PAN3: variants seen among roughly 807,000 people sequenced by gnomAD.
PAN3 encodes PAN2-PAN3 deadenylation complex subunit PAN3.
A neutral mutation model predicts 96.2 loss-of-function variants in PAN3; 19 were observed. The observed-to-expected ratio is 0.20, with a 90% CI of 0.14 to 0.29. The LOEUF is 0.29. Among genes scored for constraint, PAN3 ranks in the 10% least tolerant of loss-of-function variants. The pLI is 1.00. For synonymous variants in PAN3, 433 were observed against 406.6 expected, an observed-to-expected ratio of 1.06 and a Z score of -0.78; for missense variants, 882 against 1,108.1, an observed-to-expected ratio of 0.80 and a Z score of 2.90.
intron 14 of PAN3, 87 bp from the exon 15 acceptor site, chr13:28,277,150 C>T (rs45505101): frequency 0.014 from 17,758 of 1,310,858 alleles, 204 homozygotes; most frequent in Middle Eastern, 0.019. Context: ...TATAATGATG[C>T]TTTTTCCATT....
At chr13:28,187,809 C>T (rs1045097985) in intron 4 of PAN3, among the ~76,000 whole-genome samples, 3 of 152,154 alleles carry the variant, frequency 2.0e-5, no homozygotes, top group African/African-American at 7.2e-5. Flanking sequence ...CCTCCTGTCT[C>T]ATCTACCCAA....
At chr13:28,265,685 A>C (rs1010883606) in intron 9 of PAN3, among the ~76,000 whole-genome samples, 1 of 151,672 alleles carries the variant, frequency 6.6e-6, no homozygotes, top group Admixed American at 6.6e-5. Flanking sequence ...TTCTTACCAG[A>C]GGTCAAAAAT....
chr13:28,197,629 G>A (rs1272360021), intron 5 of PAN3, among the ~76,000 whole-genome samples: 4 of 152,004 alleles, frequency 2.6e-5, no homozygotes, highest in African/African-American at 9.7e-5. Context: ...CTGGAGTGCA[G>A]TGGCACCATC....
chr13:28,288,250 A>G (rs1369296555), intron 18 of PAN3, 128 bp downstream of exon 18: 3 of 792,188 alleles, frequency 3.8e-6, no homozygotes, highest in African/African-American at 3.6e-5. Flanking sequence ...AAGACGTTTT[A>G]TTAATAACAT....
intron 5 of PAN3, among the ~76,000 whole-genome samples, chr13:28,204,101 G>A (rs187808988): frequency 6.6e-6 from 1 of 152,202 alleles, no homozygotes; most frequent in Non-Finnish European, 1.5e-5. Context: ...GAGCGACCAC[G>A]CCCGACCAGC....
Position 28,170,179 on chromosome 13 carries a change from C to T in PAN3, c.431-4093C>T, listed in dbSNP as rs531499601. Among the ~76,000 whole-genome samples the T allele has an allele frequency of 6.6e-5, 10 of 152,288 alleles. No individual in the cohort carries two copies. In the South Asian group the frequency reaches 1.9e-3, roughly 28 times the overall value. On this transcript the variant is annotated intron_variant, in intron 1 of 18. Transcript: ENST00000380958. ...GTTTCCTCTGCTAGGGAGCATAAGT[C>T]GTCTTCTATCAAAGTTGTGTATCTG... is the stretch of plus-strand genomic sequence containing the variant.
rs183154556 is a variant in PAN3 at position 28,165,324 on chromosome 13, T to C, written c.431-8948T>C. The stretch of plus-strand genomic sequence containing the variant: ...TTGTAGAGATGGGGGTCTTGCTATG[T>C]TGCTCAGGGTGGTCCTGGATTCCTG... On this transcript the variant is annotated intron_variant, in intron 1 of 18. Coordinates refer to ENST00000380958, the MANE Select transcript of PAN3 (RefSeq NM_175854.8). Among the ~76,000 whole-genome samples the C allele has an allele frequency of 3.0e-3, 451 of 149,598 alleles. 3 individuals carry two copies. The highest frequency in any genetic ancestry group is 0.011 in the African/African-American group (424 of 40,306).
chr13:28,139,976 C>G (rs1021883314), intron 1 of PAN3, among the ~76,000 whole-genome samples: 11 of 152,014 alleles, frequency 7.2e-5, no homozygotes, highest in Admixed American at 2.0e-4. Flanking sequence ...TGGAGAGAGT[C>G]TCGCCCTGTC....
At chr13:28,254,080 G>A (rs9513066) in intron 6 of PAN3, among the ~76,000 whole-genome samples, 151,933 of 152,298 alleles carry the variant, frequency 1, 75,785 homozygotes, top group Middle Eastern at 1. Context: ...CCATCCCCAC[G>A]TAGCTTTAGT....
chr13:28,281,897 A>G (rs538960633), intron 17 of PAN3, among the ~76,000 whole-genome samples: 6 of 151,840 alleles, frequency 4.0e-5, no homozygotes, highest in African/African-American at 1.5e-4. Flanking sequence ...CAGCCTCCCA[A>G]GTAGCTGGGA....
At chr13:28,153,863 C>G (rs1871726938) in intron 1 of PAN3, among the ~76,000 whole-genome samples, 1 of 152,136 alleles carries the variant, frequency 6.6e-6, no homozygotes, top group African/African-American at 2.4e-5. Context: ...TGATCTTAAG[C>G]TGATACTTTA....
intron 5 of PAN3, among the ~76,000 whole-genome samples, chr13:28,201,848 G>C (rs778917671): frequency 6.6e-6 from 1 of 152,118 alleles, no homozygotes; most frequent in Non-Finnish European, 1.5e-5. Context: ...CAGATTTTCT[G>C]TGCCTCTGAT....
chr13:28,166,399 G>A lies in PAN3; in HGVS notation c.431-7873G>A, dbSNP rs1873540727. On this transcript the variant is annotated intron_variant, in intron 1 of 18. Coordinates refer to ENST00000380958, the MANE Select transcript of PAN3 (RefSeq NM_175854.8). The stretch of plus-strand genomic sequence containing the variant: ...GTTTAACTCCTTTTCTTGCCTTCTG[G>A]ACACACTGGGACTGGGGGTGGGTCC... Among the ~76,000 whole-genome samples, 3 of 152,180 alleles carry A rather than the reference G, an allele frequency of 2.0e-5. No individual in the cohort carries two copies. The South Asian group carries it at 6.2e-4, about 31-fold the overall frequency.
At chr13:28,139,349 G>A (rs1869292335) in intron 1 of PAN3, among the ~76,000 whole-genome samples, 1 of 150,178 alleles carries the variant, frequency 6.7e-6, no homozygotes, top group Non-Finnish European at 1.5e-5. Context: ...GTGAAGGGGG[G>A]GCGGGGAGGA....
intron 4 of PAN3, among the ~76,000 whole-genome samples, chr13:28,186,733 G>A (rs1208314880): frequency 1.3e-5 from 2 of 152,192 alleles, no homozygotes; most frequent in Non-Finnish European, 2.9e-5. Context: ...GGGAGACTGA[G>A]GTGGGAGGTT....
intron 5 of PAN3, among the ~76,000 whole-genome samples, chr13:28,213,511 T>C (rs1377862843): frequency 2.6e-5 from 4 of 152,020 alleles, no homozygotes; most frequent in African/African-American, 7.2e-5. Context: ...TCAAATTGAG[T>C]GCATTTATGC....
Position 28,256,509 on chromosome 13 carries a change from A to T in PAN3, c.1218A>T (p.Thr406=). Residue 406 remains threonine (T), a synonymous_variant, in exon 7 of 19, where the codon ACA becomes ACT. Coordinates refer to ENST00000380958, the MANE Select transcript of PAN3 (RefSeq NM_175854.8). ...ETVGGTTYFY[T]DTTPAPLTGM... Reference sequence around the variant, plus strand: ...TTGGTGGGACGACTTACTTCTATACAGACACAACTCCAGCACCTTTGACTG... The same window carrying T: ...TTGGTGGGACGACTTACTTCTATACTGACACAACTCCAGCACCTTTGACTG... The T allele has an allele frequency of 6.2e-7, 1 of 1,613,958 alleles. No homozygotes were observed. The highest frequency in any genetic ancestry group is 8.5e-7 in the Non-Finnish European group (1 of 1,179,906).
At chr13:28,165,631 T>C (rs544665657) in intron 1 of PAN3, among the ~76,000 whole-genome samples, 1 of 152,328 alleles carries the variant, frequency 6.6e-6, no homozygotes, top group South Asian at 2.1e-4. Context: ...CAATTTCTTA[T>C]TATTCTATAG....
At chr13:28,232,634 TTAAAAAA>T (rs1244935133) in intron 6 of PAN3, 2 of 151,790 alleles carry the variant, frequency 1.3e-5, no homozygotes, top group Non-Finnish European at 1.5e-5. Context: ...TTTATAAAGA[TTAAAAAA>T]TAAAAAATTT....
Sources: gnomAD v4.1 joint callset for allele counts (sites outside exome capture counted in the v4.1 genomes callset) on GRCh38, gnomAD v4.1.1 for gene constraint, MANE v1.5 for transcripts, NCBI Gene and HGNC (gene_info 2026-07-23, HGNC 2026-07-21) for gene names.